SAMTOR: variants seen among roughly 807,000 people sequenced by gnomAD.
SAMTOR encodes UPF0532 protein C7orf60.
the SAMTOR span, among the ~76,000 whole-genome samples, chr7:112,912,003 T>G: frequency 8.6e-5 from 13 of 151,592 alleles, no homozygotes; most frequent in Admixed American, 3.9e-4. Context: ...CCAAATGCAA[T>G]GTATGAGACT....
the SAMTOR span, among the ~76,000 whole-genome samples, chr7:112,833,426 T>G: frequency 6.6e-6 from 1 of 152,188 alleles, no homozygotes; most frequent in Admixed American, 6.5e-5. Flanking sequence ...TTTCCCAGAA[T>G]TAATAAGATA....
chr7:112,909,533 T>C, the SAMTOR span, among the ~76,000 whole-genome samples: 1 of 152,136 alleles, frequency 6.6e-6, no homozygotes, highest in Admixed American at 6.6e-5. Flanking sequence ...AAAATAACTG[T>C]TTCAAGCAAC....
At chr7:112,863,414 A>G in the SAMTOR span, among the ~76,000 whole-genome samples, 1 of 152,256 alleles carries the variant, frequency 6.6e-6, no homozygotes, top group Non-Finnish European at 1.5e-5. Context: ...CAGTTGCACA[A>G]AAGCAAAAAT....
chr7:112,897,080 A>G, the SAMTOR span, among the ~76,000 whole-genome samples: 1,644 of 152,290 alleles, frequency 0.011, 29 homozygotes, highest in African/African-American at 0.037. Context: ...TTCAAATCAC[A>G]CAAGATCCAC....
chr7:112,900,797 T>G, the SAMTOR span, among the ~76,000 whole-genome samples: 4 of 151,780 alleles, frequency 2.6e-5, no homozygotes, highest in Admixed American at 2.0e-4. Flanking sequence ...AAAAAGAAAA[T>G]TTTTTCAACA....
At chr7:112,902,454 A>AAC in the SAMTOR span, among the ~76,000 whole-genome samples, 1 of 147,296 alleles carries the variant, frequency 6.8e-6, no homozygotes, top group Non-Finnish European at 1.5e-5. Context: ...AAAAACAAAA[A>AAC]AAAAAACCAA....
the SAMTOR span, among the ~76,000 whole-genome samples, chr7:112,829,913 T>C: frequency 1.3e-5 from 2 of 152,182 alleles, no homozygotes. Flanking sequence ...TTTTGGACAG[T>C]ACCTTATCTA....
At chr7:112,933,167 C>T in the SAMTOR span, among the ~76,000 whole-genome samples, 3 of 152,078 alleles carry the variant, frequency 2.0e-5, no homozygotes, top group Admixed American at 6.5e-5. Flanking sequence ...GCTGCTTTTG[C>T]TAATTAGCAA....
the SAMTOR span, among the ~76,000 whole-genome samples, chr7:112,914,137 TAC>T: frequency 1.3e-5 from 2 of 152,166 alleles, no homozygotes; most frequent in Non-Finnish European, 2.9e-5. Flanking sequence ...TATGCATTAT[TAC>T]AGTTTTAAAA....
the SAMTOR span, among the ~76,000 whole-genome samples, chr7:112,853,471 G>C: frequency 6.6e-6 from 1 of 152,012 alleles, no homozygotes; most frequent in African/African-American, 2.4e-5. Context: ...AGGAAATATA[G>C]GATTTTTATT....
chr7:112,934,107 C>G, the SAMTOR span, among the ~76,000 whole-genome samples: 1 of 152,080 alleles, frequency 6.6e-6, no homozygotes, highest in Non-Finnish European at 1.5e-5. Context: ...GCATAAATGG[C>G]GGCAGATACA....
At chr7:112,824,246 T>G in the SAMTOR span, among the ~76,000 whole-genome samples, 1 of 152,214 alleles carries the variant, frequency 6.6e-6, no homozygotes, top group Non-Finnish European at 1.5e-5. Context: ...CTAAAAAGTC[T>G]TTTCCTATCC....
the SAMTOR span, among the ~76,000 whole-genome samples, chr7:112,889,393 CA>C: frequency 1.2e-4 from 18 of 152,256 alleles, no homozygotes; most frequent in South Asian, 3.3e-3. Context: ...ATCCCATTTG[CA>C]ATTGCCAGAA....
chr7:112,935,550 A>C, the SAMTOR span, among the ~76,000 whole-genome samples: 1 of 149,830 alleles, frequency 6.7e-6, no homozygotes, highest in Non-Finnish European at 1.5e-5. Context: ...CATGACTTTA[A>C]GAATACCTCT....
the SAMTOR span, among the ~76,000 whole-genome samples, chr7:112,831,413 T>G: frequency 8.5e-5 from 13 of 152,122 alleles, no homozygotes; most frequent in African/African-American, 3.1e-4. Context: ...TCCCAGCACT[T>G]TGGGAGGTTG....
At chr7:112,857,705 AATGTT>A in the SAMTOR span, among the ~76,000 whole-genome samples, 1 of 152,208 alleles carries the variant, frequency 6.6e-6, no homozygotes, top group African/African-American at 2.4e-5. Flanking sequence ...TTCAAATAAA[AATGTT>A]AAGTTAGTCT....
At chr7:112,908,593 TA>T in the SAMTOR span, among the ~76,000 whole-genome samples, 1 of 152,148 alleles carries the variant, frequency 6.6e-6, no homozygotes, top group African/African-American at 2.4e-5. Flanking sequence ...ATTCTCATAT[TA>T]AGTAAAAAAG....
At chr7:112,924,202 A>G in the SAMTOR span, among the ~76,000 whole-genome samples, 1 of 152,086 alleles carries the variant, frequency 6.6e-6, no homozygotes, top group African/African-American at 2.4e-5. Context: ...ATAATAATAA[A>G]AAAAAGAAAA....
chr7:112,872,476 A>G, the SAMTOR span, among the ~76,000 whole-genome samples: 1 of 152,158 alleles, frequency 6.6e-6, no homozygotes, highest in Admixed American at 6.5e-5. Flanking sequence ...CTTCAAAATA[A>G]TAAGAGCCAC....
Sources: allele counts gnomAD v4.1 joint callset (sites outside exome capture counted in the v4.1 genomes callset), GRCh38; gene constraint gnomAD v4.1.1; transcripts MANE v1.5; gene names NCBI Gene and HGNC (gene_info 2026-07-23, HGNC 2026-07-21).